The following FAM120B variants were observed in gnomAD, a reference collection of about 807,000 sequenced individuals.
FAM120B encodes family with sequence similarity 120 member B, also known as constitutive coactivator of peroxisome proliferator-activated receptor gamma.
In FAM120B, 83 loss-of-function variants were observed where a neutral mutation model predicts 96.3. The ratio of observed to expected loss-of-function variants is 0.86; its 90% confidence interval spans 0.72 to 1.03. The LOEUF (loss-of-function observed/expected upper bound fraction) is 1.03, where lower values mean the gene tolerates loss of function less well. FAM120B is among the 50% of genes least tolerant of loss of function. FAM120B has a pLI of 0.00. For synonymous variants in FAM120B, 407 were observed against 402.7 expected, an observed-to-expected ratio of 1.01 and a Z score of -0.13; for missense variants, 1,027 against 1,121.2, an observed-to-expected ratio of 0.92 and a Z score of 1.20.
chr6:170,358,533 G>T (rs1161576964), intron 6 of FAM120B, among the ~76,000 whole-genome samples: 1 of 152,232 alleles, frequency 6.6e-6, no homozygotes, highest in East Asian at 1.9e-4. Context: ...TTCCAGTTTT[G>T]TGAAACTTGT....
chr6:170,348,243 T>A lies in FAM120B; in HGVS notation c.2110T>A (p.Ser704Thr). ...LDTLLACFNL[S>T]SSREELQAVE... ...CACACTCCTAGCCTGTTTCAATCTT[T>A]CCTCCTCAAGAGAAGAGCTGCAGGC... is the stretch of plus-strand genomic sequence containing the variant. Residue 704 changes from serine to threonine, a missense_variant, in exon 5 of 11, where the codon TCC (serine) becomes ACC (threonine). Physicochemically the swap from Ser to Thr is moderately conservative, Grantham distance 58 (BLOSUM62 1). This residue lies in a region of FAM120B where 880 missense variants were observed against 980.9 expected (regional missense o/e 0.90). Transcript: ENST00000476287. The A allele has an allele frequency of 6.2e-7, 1 of 1,614,062 alleles. No individual in the cohort carries two copies.
chr6:170,402,517 T>C (rs1246798698), intron 9 of FAM120B, among the ~76,000 whole-genome samples: 4 of 152,230 alleles, frequency 2.6e-5, no homozygotes, highest in African/African-American at 9.6e-5. Flanking sequence ...GCGGGCACGC[T>C]GGCCCTGCTG....
chr6:170,327,629 G>A (rs914405691), intron 3 of FAM120B, among the ~76,000 whole-genome samples: 1 of 150,760 alleles, frequency 6.6e-6, no homozygotes, highest in East Asian at 2.0e-4. Flanking sequence ...CACTGCACAC[G>A]CAGGCTGCTC....
chr6:170,305,123 C>A (rs1225980024), upstream of FAM120B, among the ~76,000 whole-genome samples: 1 of 152,228 alleles, frequency 6.6e-6, no homozygotes, highest in East Asian at 1.9e-4. Context: ...AAGGCCCCAC[C>A]TCCAAAGACC....
chr6:170,400,025 G>A (rs71536949), intron 9 of FAM120B, among the ~76,000 whole-genome samples: 12 of 140,672 alleles, frequency 8.5e-5, no homozygotes, highest in South Asian at 2.3e-4. Flanking sequence ...GGAGTGAGTG[G>A]GGAAGGTAGA....
At chr6:170,375,035 A>G (rs1171445026) in intron 6 of FAM120B, among the ~76,000 whole-genome samples, 2 of 152,242 alleles carry the variant, frequency 1.3e-5, no homozygotes, top group Non-Finnish European at 2.9e-5. Context: ...CAACCCACAG[A>G]AGTGGCATCA....
At position 170,370,172 on chromosome 6, in the gene FAM120B, C is replaced by T. The variant is rs1027642635; in HGVS notation, c.2283+11854C>T. On this transcript the variant is annotated intron_variant, in intron 6 of 10. Coordinates refer to ENST00000476287, the MANE Select transcript of FAM120B (RefSeq NM_032448.3). The surrounding 1 kb of genome is among the most constrained non-coding windows in gnomAD (Gnocchi z 4.3). ...GCCCTTGAGCTTTCCTGGCCCTGCT[C>T]TCTGCACCTCACAGACTTCCCCAGC... Among the ~76,000 whole-genome samples, 2 of 152,226 alleles carry T rather than the reference C, an allele frequency of 1.3e-5. No homozygotes were observed. The highest frequency in any genetic ancestry group is 4.8e-5 in the African/African-American group (2 of 41,464).
chr6:170,341,773 C>A (rs1786851752), intron 4 of FAM120B, among the ~76,000 whole-genome samples: 1 of 152,168 alleles, frequency 6.6e-6, no homozygotes, highest in Non-Finnish European at 1.5e-5. Context: ...TGAGGCAACA[C>A]CCCACCCTGC....
chr6:170,341,900 T>A (rs1786865347), intron 4 of FAM120B, among the ~76,000 whole-genome samples: 1 of 152,214 alleles, frequency 6.6e-6, no homozygotes, highest in African/African-American at 2.4e-5. Context: ...TGCTGGGAGC[T>A]GCAGACCAGA....
rs775046970 is a variant in FAM120B at position 170,323,264 on chromosome 6, G to T, written c.1915+5G>T. On this transcript the variant is annotated splice_donor_5th_base_variant and intron_variant, in intron 3 of 10. Coordinates refer to ENST00000476287, the MANE Select transcript of FAM120B (RefSeq NM_032448.3). Reference sequence around the variant, plus strand: ...TCTTACTGGAGGACTGTCAAGGTGAGAATTGGTTGGTCCCTCTTAGTAAAG... The same window carrying T: ...TCTTACTGGAGGACTGTCAAGGTGATAATTGGTTGGTCCCTCTTAGTAAAG... 6.2e-6 allele frequency: 10 copies of T among 1,610,288 alleles called. No homozygotes were observed. Among genetic ancestry groups the T allele is most frequent in the Non-Finnish European group, 8.5e-6 (10 of 1,178,266 alleles).
At chr6:170,401,691 C>T (rs1465077210) in intron 9 of FAM120B, among the ~76,000 whole-genome samples, 2 of 152,218 alleles carry the variant, frequency 1.3e-5, no homozygotes, top group Non-Finnish European at 2.9e-5. Context: ...ATCCAGAATG[C>T]TCCACAGTCC....
rs1583162434 is a variant in FAM120B, at chr6:170,295,857, C to T, written c.48+404C>T. Among the ~76,000 whole-genome samples, 1 of 152,054 alleles carries T rather than the reference C, an allele frequency of 6.6e-6. No homozygotes were observed. The highest frequency in any genetic ancestry group is 2.4e-5 in the African/African-American group (1 of 41,422). Reference sequence around the variant, plus strand: ...GCCCACCTCTCGCGTGCGTGGAGCCCGGGGCCGAGGCCAGGCCCGCTGCGA... The same window carrying T: ...GCCCACCTCTCGCGTGCGTGGAGCCTGGGGCCGAGGCCAGGCCCGCTGCGA... On this transcript the variant is annotated intron_variant, in intron 1 of 10. Coordinates refer to the FAM120B transcript ENST00000537664. The surrounding 1 kb of genome is among the most constrained non-coding windows in gnomAD (Gnocchi z 7.8).
Position 170,385,416 on chromosome 6 carries a change from TTAA to T in FAM120B, c.2284-2867_2284-2865del, listed in dbSNP as rs367830727. Among the ~76,000 whole-genome samples, 12 of 152,132 alleles carry T rather than the reference TTAA, an allele frequency of 7.9e-5. No individual in the cohort carries two copies. The East Asian group carries it at 1.7e-3, about 22-fold the overall frequency. On this transcript the variant is annotated intron_variant, in intron 6 of 10. Transcript: ENST00000476287. ...TGATCTAAGTATACATCTCTATAAA[TTAA>T]TAAAAAATCAAACTCAGGGAGTGTG...
intron 6 of FAM120B, among the ~76,000 whole-genome samples, chr6:170,376,211 A>C (rs916337439): frequency 6.6e-6 from 1 of 152,094 alleles, no homozygotes; most frequent in Non-Finnish European, 1.5e-5. Context: ...TTAACAGACA[A>C]GGGGAGGAGG....
intron 6 of FAM120B, among the ~76,000 whole-genome samples, chr6:170,378,414 T>C (rs1287849469): frequency 6.6e-6 from 1 of 152,202 alleles, no homozygotes; most frequent in Non-Finnish European, 1.5e-5. Flanking sequence ...CTCAGAGTCC[T>C]CTTCACCATC....
chr6:170,397,432 CA>C (rs1160452237), intron 9 of FAM120B, among the ~76,000 whole-genome samples: 4 of 152,106 alleles, frequency 2.6e-5, no homozygotes, highest in Admixed American at 2.6e-4. Flanking sequence ...GATTTGGGGG[CA>C]GAGGGGCCAG....
chr6:170,371,917 T>C, intron 6 of FAM120B, among the ~76,000 whole-genome samples: 1 of 152,226 alleles, frequency 6.6e-6, no homozygotes, highest in Non-Finnish European at 1.5e-5. Flanking sequence ...GCTCAGGACC[T>C]TCACGCAGTT....
chr6:170,329,512 C>T (rs940002619), intron 3 of FAM120B, among the ~76,000 whole-genome samples: 1 of 152,172 alleles, frequency 6.6e-6, no homozygotes, highest in Non-Finnish European at 1.5e-5. Context: ...CAGTCACCCC[C>T]GCGGTCCTGT....
intron 6 of FAM120B, among the ~76,000 whole-genome samples, chr6:170,364,635 C>G (rs1210469810): frequency 2.0e-5 from 3 of 152,180 alleles, no homozygotes; most frequent in African/African-American, 7.2e-5. Flanking sequence ...AGACAAAGCC[C>G]CATCTTTGCA....
Sources: gnomAD v4.1 joint callset for allele counts (sites outside exome capture counted in the v4.1 genomes callset) on GRCh38, gnomAD v4.1.1 for gene constraint, gnomAD v4.1.1 regional missense constraint, Gnocchi (gnomAD v3.1) non-coding constraint, MANE v1.5 for transcripts, NCBI Gene and HGNC (gene_info 2026-07-23, HGNC 2026-07-21) for gene names.